Variants in SPATA31E1 observed in about 807,000 individuals in gnomAD.
The protein encoded by SPATA31E1 is SPATA31 subfamily E member 1.
SPATA31E1 carries 7 observed loss-of-function variants against 12.9 expected under a neutral mutation model. The ratio of observed to expected loss-of-function variants is 0.54; its 90% confidence interval spans 0.31 to 1.02. The LOEUF is 1.02. Among genes scored for constraint, SPATA31E1 ranks in the 50% least tolerant of loss-of-function variants. SPATA31E1 has a pLI of 0.05. For synonymous variants in SPATA31E1, 771 were observed against 719.0 expected (o/e 1.07, Z -1.16); for missense variants, 1,961 against 1,799.8 (o/e 1.09, Z -1.62).
In SPATA31E1 at chr9:87,886,796, C is replaced by T; in HGVS notation, c.2309C>T (p.Ala770Val). The T allele has an allele frequency of 1.2e-6, 2 of 1,614,094 alleles. No homozygotes were observed. The highest frequency in any genetic ancestry group is 1.7e-6 in the Non-Finnish European group (2 of 1,180,034). The part of the protein sequence containing the change: ...HLENKLQIHL[A>V]RKVGEIKEGW... ...GAAAACAAGCTGCAAATCCATCTGG[C>T]CAGGAAGGTAGGGGAGATCAAAGAG... Residue 770 changes from alanine to valine, a missense_variant, in exon 4 of 4, where the codon GCC becomes GTC. Physicochemically the swap from Ala to Val is moderately conservative, Grantham distance 64 (BLOSUM62 0). Coordinates refer to ENST00000325643, the MANE Select transcript of SPATA31E1 (RefSeq NM_178828.5).
In SPATA31E1 at chr9:87,882,997, G is replaced by C. The variant is rs1828194767; in HGVS notation, c.106G>C (p.Asp36His). ...CAGACCATCTGTGGAGTGCACAGGA[G>C]ACGACATTGCACTTCAGATGGAGAA... Reference protein sequence around the residue: ...APRPSVECTGDDIALQMEKML... With the variant: ...APRPSVECTGHDIALQMEKML... Residue 36 changes from aspartate (D) to histidine (H), a missense_variant, in exon 1 of 4, where the codon GAC becomes CAC. Coordinates refer to ENST00000325643, the MANE Select transcript of SPATA31E1 (RefSeq NM_178828.5). 1 of 1,613,408 alleles carries C rather than the reference G, an allele frequency of 6.2e-7. No homozygotes were observed. Among genetic ancestry groups the C allele is most frequent in the Admixed American group, 1.7e-5 (1 of 59,940 alleles).
In SPATA31E1 at chr9:87,886,296, G is replaced by A; in HGVS notation, c.1809G>A (p.Arg603=). The A allele has an allele frequency of 6.2e-7, 1 of 1,613,698 alleles. No homozygotes were observed. Among genetic ancestry groups the A allele is most frequent in the Non-Finnish European group, 8.5e-7 (1 of 1,180,014 alleles). The stretch of plus-strand genomic sequence containing the variant: ...CCACTGCCCACCTTCCCCAAGAGAG[G>A]CCGGCCTCCTGGAGCCCCAAGTCAG... ...SQPTAHLPQE[R]PASWSPKSAP... The change falls in exon 4 of 4, where the codon AGG becomes AGA. Residue 603 remains arginine, a synonymous_variant. Transcript: ENST00000325643.
At chr9:87,884,813 T>C in intron 3 of SPATA31E1, 100 bp from the exon 4 acceptor site, 2 of 1,460,802 alleles carry the variant, frequency 1.4e-6, no homozygotes, top group Non-Finnish European at 1.9e-6. Context: ...AAGTCAGCAG[T>C]TGGGGAGGTG....
rs1828328763 is a variant in SPATA31E1, at chr9:87,888,433, G to A, written c.3946G>A (p.Ala1316Thr). Residue 1316 changes from alanine (A) to threonine (T), a missense_variant, in exon 4 of 4, where the codon GCC (alanine) becomes ACC (threonine). By Grantham distance (58) the Ala-to-Thr change is moderately conservative. Coordinates refer to ENST00000325643, the MANE Select transcript of SPATA31E1 (RefSeq NM_178828.5). ...RQFMDCMADK[A>T]WTISRVVGQI... ...GTTTATGGACTGCATGGCTGACAAAGCCTGGACCATCAGCAGAGTTGTGGG... is the reference window on the plus strand; with the variant it reads ...GTTTATGGACTGCATGGCTGACAAAACCTGGACCATCAGCAGAGTTGTGGG... 1.2e-6 allele frequency: 2 copies of A among 1,614,182 alleles called. No homozygotes were observed. The highest frequency in any genetic ancestry group is 1.7e-6 in the Non-Finnish European group (2 of 1,180,034).
At position 87,886,288 on chromosome 9, in the gene SPATA31E1, C is replaced by T. The variant is rs757040276; in HGVS notation, c.1801C>T (p.Gln601Ter). The T allele has an allele frequency of 6.2e-7, 1 of 1,613,768 alleles. No homozygotes were observed. The highest frequency in any genetic ancestry group is 1.1e-5 in the South Asian group (1 of 91,066). Residue 601 changes from glutamine to a stop codon, truncating the protein, a stop_gained, in exon 4 of 4, where the codon CAA (glutamine) becomes TAA (stop). Coordinates refer to ENST00000325643, the MANE Select transcript of SPATA31E1 (RefSeq NM_178828.5). LOFTEE classifies it low-confidence loss of function (END_TRUNC). ...GAGCCAGCCCACTGCCCACCTTCCC[C>T]AAGAGAGGCCGGCCTCCTGGAGCCC... ...VLSQPTAHLP[Q>*]ERPASWSPKS...
chr9:87,886,153 A>C lies in SPATA31E1; in HGVS notation c.1666A>C (p.Thr556Pro). 1 of 1,604,184 alleles carries C rather than the reference A, an allele frequency of 6.2e-7. No homozygotes were observed. The highest frequency in any genetic ancestry group is 8.5e-7 in the Non-Finnish European group (1 of 1,173,846). ...GASYPTSQER[T>P]QSVIPTGKEY... is the part of the protein sequence containing the mutation. ...ATCTTACCCTACATCCCAGGAGAGGACACAGTCTGTCATCCCCACTGGAAA... is the reference window on the plus strand; with the variant it reads ...ATCTTACCCTACATCCCAGGAGAGGCCACAGTCTGTCATCCCCACTGGAAA... Residue 556 changes from threonine (T) to proline (P), a missense_variant, in exon 4 of 4, where the codon ACA becomes CCA. Coordinates refer to ENST00000325643, the MANE Select transcript of SPATA31E1 (RefSeq NM_178828.5).
Position 87,886,373 on chromosome 9 carries a change from G to A in SPATA31E1, c.1886G>A (p.Trp629Ter), listed in dbSNP as rs1828274406. 2 of 1,613,344 alleles carry A rather than the reference G, an allele frequency of 1.2e-6. No individual in the cohort carries two copies. Among genetic ancestry groups the A allele is most frequent in the Admixed American group, 3.3e-5 (2 of 59,994 alleles). The stretch of plus-strand genomic sequence containing the variant: ...AGCCCTGAGCTCCCAGAGCACTGGT[G>A]GCAAGGAAGGAATGCCATCCACCAG... ...VTSPELPEHWWQGRNAIHQEQ... is the reference protein window; with the variant it reads ...VTSPELPEHW Residue 629 changes from tryptophan (W) to a stop codon, truncating the protein, a stop_gained, in exon 4 of 4, where the codon TGG becomes TAG. Transcript: ENST00000325643. LOFTEE classifies it low-confidence loss of function (END_TRUNC).
In SPATA31E1 at chr9:87,888,357, C is replaced by G; in HGVS notation, c.3870C>G (p.Gly1290=). The G allele has an allele frequency of 6.2e-7, 1 of 1,614,156 alleles. No homozygotes were observed. Among genetic ancestry groups the G allele is most frequent in the South Asian group, 1.1e-5 (1 of 91,090 alleles). Reference sequence around the variant, plus strand: ...GGTGGGAAGATGTCCTGCAGAAAGGCAAGCCTGGGGCAGATGCTTTCCAGA... The same window carrying G: ...GGTGGGAAGATGTCCTGCAGAAAGGGAAGCCTGGGGCAGATGCTTTCCAGA... ...GTRWEDVLQK[G]KPGADAFQSW... is the part of the protein sequence containing the mutation. The change falls in exon 4 of 4, where the codon GGC becomes GGG. Residue 1290 remains glycine (G), a synonymous_variant. Coordinates refer to ENST00000325643, the MANE Select transcript of SPATA31E1 (RefSeq NM_178828.5).
chr9:87,884,702 G>C, intron 3 of SPATA31E1, 51 bp downstream of exon 3: 1 of 1,605,680 alleles, frequency 6.2e-7, no homozygotes, highest in Non-Finnish European at 8.5e-7. Context: ...CAGGGCCTCT[G>C]ATGCAACCCT....
At position 87,888,033 on chromosome 9, in the gene SPATA31E1, G is replaced by A. The variant is rs41286021; in HGVS notation, c.3546G>A (p.Glu1182=). 9.3e-6 allele frequency: 15 copies of A among 1,610,612 alleles called. No individual in the cohort carries two copies. In the South Asian group the frequency reaches 1.5e-4, roughly 17 times the overall value. The change falls in exon 4 of 4, where the codon GAG becomes GAA. Residue 1182 remains glutamate (E), a synonymous_variant. Coordinates refer to ENST00000325643, the MANE Select transcript of SPATA31E1 (RefSeq NM_178828.5). The part of the protein sequence containing the change: ...WKGGDSPGQQ[E]PGSPKAKAPQ... ...GAGGGGACAGTCCAGGGCAGCAGGAGCCTGGGAGCCCAAAAGCAAAGGCCC... is the reference window on the plus strand; with the variant it reads ...GAGGGGACAGTCCAGGGCAGCAGGAACCTGGGAGCCCAAAAGCAAAGGCCC...
Position 87,885,863 on chromosome 9 carries a change from G to A in SPATA31E1, c.1376G>A (p.Arg459Lys), listed in dbSNP as rs780474570. The A allele has an allele frequency of 6.2e-7, 1 of 1,613,882 alleles. No homozygotes were observed. Among genetic ancestry groups the A allele is most frequent in the South Asian group, 1.1e-5 (1 of 91,076 alleles). The change falls in exon 4 of 4, where the codon AGG becomes AAG. Residue 459 changes from arginine (R) to lysine (K), a missense_variant. By Grantham distance (26) the Arg-to-Lys change is conservative. Coordinates refer to ENST00000325643, the MANE Select transcript of SPATA31E1 (RefSeq NM_178828.5). ...CTGGCGACCACAGTCTGGGTTTCTAGGAACCCTTCCTCACAGAATGCACAC... is the reference window on the plus strand; with the variant it reads ...CTGGCGACCACAGTCTGGGTTTCTAAGAACCCTTCCTCACAGAATGCACAC... ...ESLATTVWVS[R>K]NPSSQNAHSV...
At position 87,884,066 on chromosome 9, in the gene SPATA31E1, C is replaced by CG. The variant is rs777776574; in HGVS notation, c.364+23dup. ...TGAAAGGTGAGGCTCTGCTGCCCCC[C>CG]GGGACTCCCCAGAGGTAACTGAGCT... On this transcript the variant is annotated intron_variant, in intron 2 of 3. Coordinates refer to ENST00000325643, the MANE Select transcript of SPATA31E1 (RefSeq NM_178828.5). The CG allele has an allele frequency of 1.3e-5, 21 of 1,584,386 alleles. No individual in the cohort carries two copies. In the South Asian group the frequency reaches 1.6e-4, roughly 12 times the overall value.
chr9:87,888,468 G>C lies in SPATA31E1; in HGVS notation c.3981G>C (p.Leu1327=). 3 of 1,614,178 alleles carry C rather than the reference G, an allele frequency of 1.9e-6. No individual in the cohort carries two copies. Among genetic ancestry groups the C allele is most frequent in the Non-Finnish European group, 2.5e-6 (3 of 1,180,032 alleles). ...WTISRVVGQI[L]VDKLGLQWGR... is the part of the protein sequence containing the mutation. ...TCAGCAGAGTTGTGGGACAAATCCTGGTGGACAAACTGGGGCTTCAGTGGG... is the reference window on the plus strand; with the variant it reads ...TCAGCAGAGTTGTGGGACAAATCCTCGTGGACAAACTGGGGCTTCAGTGGG... The change falls in exon 4 of 4, where the codon CTG becomes CTC. Residue 1327 remains leucine, a synonymous_variant. Coordinates refer to ENST00000325643, the MANE Select transcript of SPATA31E1 (RefSeq NM_178828.5).
At chr9:87,884,136 G>A (rs1021980564) in intron 2 of SPATA31E1, 90 bp downstream of exon 2, 5 of 1,457,550 alleles carry the variant, frequency 3.4e-6, no homozygotes, top group Non-Finnish European at 4.7e-6. Context: ...TGAGAGGGAA[G>A]CTCCTGGGAG....
rs779029637 is a variant in SPATA31E1, at chr9:87,884,667, C to T, written c.425+16C>T. ...TTCTGGAAAGGTGAGGAGCTTCCCC[C>T]TTCTGTCCCTGTCCTCCTTCCTACC... On this transcript the variant is annotated intron_variant, in intron 3 of 3. Transcript: ENST00000325643. The T allele has an allele frequency of 2.5e-6, 4 of 1,614,110 alleles. No individual in the cohort carries two copies. Among genetic ancestry groups the T allele is most frequent in the Non-Finnish European group, 3.4e-6 (4 of 1,179,950 alleles).
rs745395418 is a variant in SPATA31E1, at chr9:87,882,976, C to G, written c.85C>G (p.Pro29Ala). 13 of 1,605,710 alleles carry G rather than the reference C, an allele frequency of 8.1e-6. No homozygotes were observed. The Admixed American group carries it at 1.5e-4, about 19-fold the overall frequency. The change falls in exon 1 of 4, where the codon CCA becomes GCA. Residue 29 changes from proline (P) to alanine (A), a missense_variant. Pro to Ala is a conservative substitution (Grantham distance 27, BLOSUM62 -1). Coordinates refer to ENST00000325643, the MANE Select transcript of SPATA31E1 (RefSeq NM_178828.5). ...GQRIPPPAPR[P>A]SVECTGDDIA... ...GAGGATTCCACCCCCAGCTCCCAGA[C>G]CATCTGTGGAGTGCACAGGAGACGA...
rs201064219 is a variant in SPATA31E1 at position 87,885,438 on chromosome 9, C to A, written c.951C>A (p.Gly317=). The part of the protein sequence containing the change: ...YCWREAATTW[G]LSTYSHGKSQ... ...GGAGGGAGGCTGCCACCACCTGGGG[C>A]CTCTCCACCTACTCACATGGCAAAT... The change falls in exon 4 of 4, where the codon GGC becomes GGA. Residue 317 remains glycine, a synonymous_variant. Transcript: ENST00000325643. The A allele has an allele frequency of 1.9e-6, 3 of 1,613,856 alleles. No homozygotes were observed. Among genetic ancestry groups the A allele is most frequent in the Non-Finnish European group, 2.5e-6 (3 of 1,179,974 alleles).
intron 2 of SPATA31E1, 50 bp downstream of exon 2, chr9:87,884,096 C>T (rs1253831587): frequency 6.4e-7 from 1 of 1,560,014 alleles, no homozygotes; most frequent in Admixed American, 1.9e-5. Flanking sequence ...TGAGCTTTGC[C>T]TGTCCCTGAG....
intron 3 of SPATA31E1, 127 bp from the exon 4 acceptor site, chr9:87,884,786 T>C: frequency 6.8e-7 from 1 of 1,479,794 alleles, no homozygotes; most frequent in South Asian, 1.2e-5. Context: ...TGGGGCAGGC[T>C]TAGGCAGAGC....
Sources: gnomAD v4.1 joint callset for allele counts on GRCh38, gnomAD v4.1.1 for gene constraint, MANE v1.5 for transcripts, NCBI Gene and HGNC (gene_info 2026-07-23, HGNC 2026-07-21) for gene names.